Variants in EMCN observed in about 807,000 individuals in gnomAD.
The protein encoded by EMCN is MUC-14.
EMCN carries 37 observed loss-of-function variants against 38.4 expected under a neutral mutation model. The observed-to-expected ratio is 0.96, with a 90% CI of 0.74 to 1.27. The LOEUF (loss-of-function observed/expected upper bound fraction) is 1.27. Ranked by LOEUF, EMCN falls within the 50% of genes most tolerant of loss-of-function variation. EMCN has a pLI of 0.00. For missense variants in EMCN, 318 were observed against 302.8 expected (o/e 1.05, Z -0.37); for synonymous variants, 95 against 100.8 (o/e 0.94, Z 0.35).
chr4:100,413,971 T>A (rs552759096), intron 10 of EMCN, among the ~76,000 whole-genome samples: 21 of 152,294 alleles, frequency 1.4e-4, no homozygotes, highest in Admixed American at 3.3e-4. Flanking sequence ...CACGGAATTT[T>A]CCCCAGGCCT....
chr4:100,415,275 CAAAAG>C (rs1726692667), intron 10 of EMCN, among the ~76,000 whole-genome samples: 1 of 152,080 alleles, frequency 6.6e-6, no homozygotes, highest in Non-Finnish European at 1.5e-5. Context: ...CTAATCTACT[CAAAAG>C]AAAGAAAAAT....
chr4:100,465,871 A>G (rs1393979237), intron 3 of EMCN, among the ~76,000 whole-genome samples: 1 of 152,164 alleles, frequency 6.6e-6, no homozygotes, highest in African/African-American at 2.4e-5. Flanking sequence ...CATAACTTAT[A>G]ATAGGAGAGA....
At chr4:100,467,650 C>G (rs1728357546) in intron 3 of EMCN, among the ~76,000 whole-genome samples, 2 of 143,452 alleles carry the variant, frequency 1.4e-5, no homozygotes, top group Non-Finnish European at 3.0e-5. Context: ...CCACTGCAGT[C>G]CAGCTTGGGC....
Position 100,475,079 on chromosome 4 carries a change from G to C in EMCN, c.218C>G (p.Ser73Cys). ...TAAAAAAGTAGCTGTTGACATCAGA[G>C]ACATTTTAAGTAATTCATTGGTGAT... ...GTITNELLKM[S>C]LMSTATFLTS... The change falls in exon 3 of 12, where the codon TCT (serine) becomes TGT (cysteine). Residue 73 changes from serine to cysteine, a missense_variant. Ser to Cys is a moderately radical substitution (Grantham distance 112). Transcript: ENST00000296420. 1.3e-6 allele frequency: 2 copies of C among 1,536,600 alleles called. No homozygotes were observed. Among genetic ancestry groups the C allele is most frequent in the South Asian group, 1.3e-5 (1 of 77,502 alleles).
intron 5 of EMCN, among the ~76,000 whole-genome samples, chr4:100,431,329 C>T (rs1385758234): frequency 6.6e-6 from 1 of 152,126 alleles, no homozygotes; most frequent in Non-Finnish European, 1.5e-5. Flanking sequence ...GCCACAGGTG[C>T]CCAGATGTTT....
intron 7 of EMCN, 96 bp from the exon 8 acceptor site, chr4:100,421,473 C>T (rs897182208): frequency 1.2e-6 from 1 of 866,918 alleles, no homozygotes; most frequent in Admixed American, 2.1e-5. Flanking sequence ...TTCCTTTCTT[C>T]TTTAAATATC....
intron 1 of EMCN, among the ~76,000 whole-genome samples, chr4:100,494,078 G>GA (rs1578231135): frequency 6.6e-6 from 1 of 152,148 alleles, no homozygotes; most frequent in East Asian, 1.9e-4. Flanking sequence ...ATTGGATGTG[G>GA]AAAAACTGCT....
chr4:100,448,689 A>G (rs1727746056), intron 4 of EMCN, among the ~76,000 whole-genome samples: 1 of 151,930 alleles, frequency 6.6e-6, no homozygotes, highest in South Asian at 2.1e-4. Flanking sequence ...ATGGCTCCCT[A>G]TTGCTCCTCA....
intron 5 of EMCN, among the ~76,000 whole-genome samples, chr4:100,437,735 G>A (rs1372260764): frequency 6.6e-6 from 1 of 151,942 alleles, no homozygotes; most frequent in Admixed American, 6.6e-5. Flanking sequence ...TTTATTTCCG[G>A]GATCTTTATT....
intron 7 of EMCN, 97 bp downstream of exon 7, chr4:100,422,924 G>C (rs1367402049): frequency 4.0e-6 from 5 of 1,240,154 alleles, no homozygotes; most frequent in Non-Finnish European, 5.9e-6. Context: ...GTAAAGTTGA[G>C]AAAAGGCTGC....
chr4:100,454,052 T>C (rs766179503), intron 4 of EMCN, among the ~76,000 whole-genome samples: 9 of 150,170 alleles, frequency 6.0e-5, no homozygotes, highest in Non-Finnish European at 1.0e-4. Context: ...AGGGATAGCA[T>C]TGGGAGATAT....
intron 1 of EMCN, among the ~76,000 whole-genome samples, chr4:100,490,951 A>G (rs892319498): frequency 1.3e-5 from 2 of 152,134 alleles, no homozygotes; most frequent in Non-Finnish European, 2.9e-5. Flanking sequence ...TCTGTTGGCC[A>G]TTTATATGTT....
chr4:100,428,688 A>G (rs1727118723), intron 5 of EMCN, among the ~76,000 whole-genome samples: 2 of 152,180 alleles, frequency 1.3e-5, no homozygotes, highest in African/African-American at 4.8e-5. Context: ...TGAATTTATG[A>G]GATTACCTTT....
chr4:100,397,089 A>G lies in EMCN; in HGVS notation c.*1324T>C, dbSNP rs1726140131. 1 of 152,146 alleles carries G rather than the reference A, an allele frequency of 6.6e-6. No homozygotes were observed. Among genetic ancestry groups the G allele is most frequent in the South Asian group, 2.1e-4 (1 of 4,834 alleles). 9.4% of individuals were successfully genotyped at this position (152,146 alleles called of 1,614,324 possible). A position where few individuals can be genotyped will look rare whatever the true frequency, so the allele number is the denominator to read the frequency against. On this transcript the variant is annotated 3_prime_UTR_variant, in exon 12 of 12. Transcript: ENST00000296420. ...GTGATTATATAACTCCTAAAGATGG[A>G]AGTTGTCAAAATACATCACCACAAA...
At chr4:100,455,265 A>G (rs1430641294) in intron 4 of EMCN, among the ~76,000 whole-genome samples, 2 of 152,044 alleles carry the variant, frequency 1.3e-5, no homozygotes, top group Non-Finnish European at 2.9e-5. Context: ...TATGTCGTAA[A>G]CCTTCCATAC....
intron 1 of EMCN, among the ~76,000 whole-genome samples, chr4:100,499,127 G>A (rs1729285539): frequency 6.6e-6 from 1 of 151,990 alleles, no homozygotes; most frequent in African/African-American, 2.4e-5. Context: ...ATTTACAAAT[G>A]TGATTATTCC....
chr4:100,504,360 G>A (rs765610149), intron 1 of EMCN, among the ~76,000 whole-genome samples: 12 of 152,220 alleles, frequency 7.9e-5, no homozygotes, highest in South Asian at 2.1e-4. Context: ...CCTTGTGGGC[G>A]GCAAGCCATC....
intron 5 of EMCN, among the ~76,000 whole-genome samples, chr4:100,427,773 C>T (rs887803560): frequency 1.3e-5 from 2 of 152,144 alleles, no homozygotes; most frequent in East Asian, 1.9e-4. Context: ...TTTATAAATC[C>T]GGATACTTAC....
intron 5 of EMCN, among the ~76,000 whole-genome samples, chr4:100,425,185 A>ACAC (rs1560609644): frequency 1.3e-5 from 2 of 150,958 alleles, no homozygotes; most frequent in Non-Finnish European, 3.0e-5. Flanking sequence ...ACACACACAC[A>ACAC]ATTACTGCTC....
Sources: gnomAD v4.1 joint callset for allele counts (sites outside exome capture counted in the v4.1 genomes callset) on GRCh38, gnomAD v4.1.1 for gene constraint, MANE v1.5 for transcripts, NCBI Gene and HGNC (gene_info 2026-07-23, HGNC 2026-07-21) for gene names.